The following RALYL variants were observed in gnomAD, a reference collection of about 807,000 sequenced individuals.
The protein encoded by RALYL is RALY RNA binding protein like.
RALYL carries 29 observed loss-of-function variants against 35.1 expected under a neutral mutation model. The observed-to-expected ratio is 0.83, with a 90% confidence interval of 0.61 to 1.13. The LOEUF is 1.13. RALYL is among the 50% of genes most tolerant of loss of function. The pLI, the probability that RALYL is intolerant of heterozygous loss-of-function variation, is 0.00. For synonymous variants in RALYL, 120 were observed against 127.6 expected (o/e 0.94, Z 0.40); for missense variants, 359 against 360.4 (o/e 1.00, Z 0.03).
chr8:84,411,785 G>C (rs911320635), intron 1 of RALYL, among the ~76,000 whole-genome samples: 1 of 151,832 alleles, frequency 6.6e-6, no homozygotes, highest in Non-Finnish European at 1.5e-5. Flanking sequence ...GCTGAAAATC[G>C]TCATATGTCT....
intron 2 of RALYL, chr8:84,706,195 CCTTTAT>C (rs1353165045): frequency 1.2e-6 from 1 of 804,858 alleles, no homozygotes; most frequent in African/African-American, 1.7e-5. Flanking sequence ...CTCACCCTAA[CCTTTAT>C]CTTTATTCCT....
intron 1 of RALYL, among the ~76,000 whole-genome samples, chr8:84,461,944 C>G (rs913941187): frequency 6.6e-6 from 1 of 151,534 alleles, no homozygotes; most frequent in Admixed American, 6.6e-5. Context: ...AGGATTCACT[C>G]TTTATGTTAT....
chr8:84,307,792 A>C (rs1842104204), intron 1 of RALYL, among the ~76,000 whole-genome samples: 1 of 152,184 alleles, frequency 6.6e-6, no homozygotes, highest in African/African-American at 2.4e-5. Context: ...ACAGGACTAC[A>C]TCTTTTATTT....
intron 1 of RALYL, among the ~76,000 whole-genome samples, chr8:84,263,999 T>G (rs536311226): frequency 6.6e-6 from 1 of 152,366 alleles, no homozygotes; most frequent in Non-Finnish European, 1.5e-5. Context: ...CACATTTTCT[T>G]TATCCATTCT....
intron 2 of RALYL, among the ~76,000 whole-genome samples, chr8:84,714,140 A>C (rs1842613229): frequency 6.6e-6 from 1 of 151,910 alleles, no homozygotes; most frequent in Non-Finnish European, 1.5e-5. Flanking sequence ...CTAAATGAAT[A>C]AGCCAGGTAC....
At chr8:84,635,851 T>C (rs1040927735) in intron 2 of RALYL, among the ~76,000 whole-genome samples, 26 of 151,784 alleles carry the variant, frequency 1.7e-4, no homozygotes, top group African/African-American at 6.3e-4. Context: ...AGCTCAGCTT[T>C]CTCATTTTCA....
At chr8:84,562,568 G>T (rs1252217) in intron 2 of RALYL, among the ~76,000 whole-genome samples, 28,715 of 151,806 alleles carry the variant, frequency 0.19, 2,977 homozygotes, top group Non-Finnish European at 0.23. Flanking sequence ...TATGGGAAAA[G>T]ATTCCTAAAA....
chr8:84,203,293 TC>T lies in RALYL; in HGVS notation c.-24+18870del, dbSNP rs998555338. 3.3e-5 allele frequency among the ~76,000 whole-genome samples: 5 copies of T among 151,908 alleles called. No individual in the cohort carries two copies. The East Asian group carries it at 9.7e-4, about 29-fold the overall frequency. On this transcript the variant is annotated intron_variant, in intron 1 of 8. Transcript: ENST00000521268. ...CTTTTCTTTCTTTCTTTTTTTTTTT[TC>T]TTCTCACTTGAGTGAATCACTATAG... is the stretch of plus-strand genomic sequence containing the variant.
At chr8:84,750,450 T>C (rs150329820) in intron 2 of RALYL, among the ~76,000 whole-genome samples, 2,596 of 152,204 alleles carry the variant, frequency 0.017, 72 homozygotes, top group African/African-American at 0.059. Context: ...GGCTCCTGGT[T>C]GAAGATGATC....
intron 1 of RALYL, among the ~76,000 whole-genome samples, chr8:84,521,061 A>T (rs998496541): frequency 6.6e-6 from 1 of 152,172 alleles, no homozygotes; most frequent in Non-Finnish European, 1.5e-5. Context: ...GTCTCCTCAA[A>T]ATTCATATAT....
intron 1 of RALYL, among the ~76,000 whole-genome samples, chr8:84,411,621 T>C (rs933077178): frequency 1.3e-5 from 2 of 151,964 alleles, no homozygotes; most frequent in East Asian, 3.8e-4. Flanking sequence ...TGTGATAATC[T>C]ATGTAAAGCA....
intron 8 of RALYL, among the ~76,000 whole-genome samples, chr8:84,902,487 A>G (rs933662057): frequency 1.3e-5 from 2 of 152,168 alleles, no homozygotes; most frequent in Non-Finnish European, 2.9e-5. Flanking sequence ...TATTCAAGCT[A>G]TATCATATGT....
At chr8:84,815,803 G>A (rs1827118343) in intron 4 of RALYL, among the ~76,000 whole-genome samples, 1 of 151,886 alleles carries the variant, frequency 6.6e-6, no homozygotes, top group African/African-American at 2.4e-5. Flanking sequence ...TTGGGAGGCC[G>A]AGCAGGCAGA....
intron 1 of RALYL, among the ~76,000 whole-genome samples, chr8:84,252,076 G>A (rs1261375487): frequency 6.6e-6 from 1 of 151,808 alleles, no homozygotes; most frequent in Non-Finnish European, 1.5e-5. Context: ...TTGTTTCACA[G>A]GTTTTGTTGA....
chr8:84,462,288 T>G (rs908532943), intron 1 of RALYL, among the ~76,000 whole-genome samples: 1 of 151,676 alleles, frequency 6.6e-6, no homozygotes, highest in African/African-American at 2.4e-5. Context: ...TTAATTAGAT[T>G]GTTATCATAT....
At chr8:84,615,339 G>GAAAA (rs35836998) in intron 2 of RALYL, among the ~76,000 whole-genome samples, 1 of 140,192 alleles carries the variant, frequency 7.1e-6, no homozygotes, top group African/African-American at 2.6e-5. Context: ...TAAATACATT[G>GAAAA]AAAAAAAAAA....
chr8:84,664,588 A>G (rs1000560676), intron 2 of RALYL, among the ~76,000 whole-genome samples: 4 of 151,890 alleles, frequency 2.6e-5, no homozygotes, highest in Admixed American at 6.6e-5. Context: ...TTTTTGTGGC[A>G]ATTGTGAATG....
At chr8:84,504,066 AAG>A (rs1431786544) in intron 1 of RALYL, among the ~76,000 whole-genome samples, 1 of 152,088 alleles carries the variant, frequency 6.6e-6, no homozygotes, top group Admixed American at 6.6e-5. Flanking sequence ...ACCATAAGGA[AAG>A]AGAGAGAATC....
At chr8:84,671,627 T>G (rs1198894678) in intron 2 of RALYL, among the ~76,000 whole-genome samples, 1 of 152,226 alleles carries the variant, frequency 6.6e-6, no homozygotes, top group African/African-American at 2.4e-5. Context: ...AGCTTGGGGC[T>G]TCCACCCTCT....
Sources: allele counts gnomAD v4.1 joint callset (sites outside exome capture counted in the v4.1 genomes callset), GRCh38; gene constraint gnomAD v4.1.1; transcripts MANE v1.5; gene names NCBI Gene and HGNC (gene_info 2026-07-23, HGNC 2026-07-21).